DDAH1: variants seen among roughly 807,000 people sequenced by gnomAD.
The protein encoded by DDAH1 is N(G),N(G)-dimethylarginine dimethylaminohydrolase 1.
In DDAH1, 19 loss-of-function variants were observed where a neutral mutation model predicts 28.8. The observed-to-expected ratio is 0.66, with a 90% CI of 0.46 to 0.97. The LOEUF (loss-of-function observed/expected upper bound fraction) is 0.97. Among genes scored for constraint, DDAH1 ranks in the 50% least tolerant of loss-of-function variants. The pLI is 0.00. For synonymous variants in DDAH1, 153 were observed against 154.4 expected (o/e 0.99, Z 0.07); for missense variants, 326 against 375.9 (o/e 0.87, Z 1.10).
intron 1 of DDAH1, chr1:85,376,757 TTC>T (rs1189208761): frequency 1.3e-3 from 191 of 151,920 alleles, no homozygotes; most frequent in African/African-American, 4.3e-3. Context: ...TTTTTTTTTT[TTC>T]CTGCAGCTTC....
At chr1:85,364,568 A>G (rs1649963916) in intron 1 of DDAH1, among the ~76,000 whole-genome samples, 1 of 150,662 alleles carries the variant, frequency 6.6e-6, no homozygotes, top group African/African-American at 2.4e-5. Context: ...TTTTTTTGAG[A>G]CAGAGTTTCA....
At chr1:85,538,074 C>T (rs1256932849) in intron 1 of DDAH1, among the ~76,000 whole-genome samples, 2 of 152,084 alleles carry the variant, frequency 1.3e-5, no homozygotes, top group Admixed American at 6.5e-5. Context: ...ACAAGTTTCC[C>T]ACACTAGAAC....
At position 85,509,705 on chromosome 1, in the gene DDAH1, C is replaced by T. The variant is rs185965906; in HGVS notation, c.-122-13424G>A. ...TTTGTGACATATGCACAACCTTCAA[C>T]AGCCAATTCAATCAAGTGGAAGAAA... On this transcript the variant is annotated intron_variant, in intron 1 of 6. Coordinates refer to the DDAH1 transcript ENST00000426972. Among the ~76,000 whole-genome samples, 4 of 152,234 alleles carry T rather than the reference C, an allele frequency of 2.6e-5. No homozygotes were observed. In the East Asian group the frequency reaches 5.8e-4, roughly 22 times the overall value.
At chr1:85,497,876 C>T (rs1557693688) in intron 1 of DDAH1, among the ~76,000 whole-genome samples, 1 of 152,052 alleles carries the variant, frequency 6.6e-6, no homozygotes, top group East Asian at 1.9e-4. Flanking sequence ...TTCTTTCTTC[C>T]CCCTGAGATT....
At chr1:85,353,806 T>C (rs1392713055) in intron 2 of DDAH1, among the ~76,000 whole-genome samples, 1 of 152,226 alleles carries the variant, frequency 6.6e-6, no homozygotes, top group South Asian at 2.1e-4. Flanking sequence ...TCACATTTCA[T>C]GTGGAATTCT....
chr1:85,538,197 T>A (rs2100781999), intron 1 of DDAH1, among the ~76,000 whole-genome samples: 1 of 152,314 alleles, frequency 6.6e-6, no homozygotes, highest in East Asian at 1.9e-4. Context: ...TCAACATAAG[T>A]TATGCAGGAA....
At chr1:85,577,285 C>G (rs1201419223) in intron 1 of DDAH1, among the ~76,000 whole-genome samples, 2 of 152,210 alleles carry the variant, frequency 1.3e-5, no homozygotes, top group Non-Finnish European at 2.9e-5. Flanking sequence ...CACCAGGATC[C>G]TGGCTTCCTG....
intron 1 of DDAH1, among the ~76,000 whole-genome samples, chr1:85,388,624 T>C (rs906155560): frequency 6.6e-6 from 1 of 152,168 alleles, no homozygotes; most frequent in African/African-American, 2.4e-5. Flanking sequence ...ACATGTTACA[T>C]GAAAAAATCA....
intron 1 of DDAH1, among the ~76,000 whole-genome samples, chr1:85,551,185 G>T (rs1267443548): frequency 6.6e-6 from 1 of 152,192 alleles, no homozygotes; most frequent in Non-Finnish European, 1.5e-5. Flanking sequence ...CAATCCAGGG[G>T]ACTACATGGG....
intron 1 of DDAH1, among the ~76,000 whole-genome samples, chr1:85,419,331 G>A (rs1653025668): frequency 6.6e-6 from 1 of 151,918 alleles, no homozygotes; most frequent in Admixed American, 6.6e-5. Context: ...CTGAGGTCAG[G>A]AGTTCGAGAC....
chr1:85,434,182 ATATTT>A (rs1472246453), intron 1 of DDAH1, among the ~76,000 whole-genome samples: 2 of 152,108 alleles, frequency 1.3e-5, no homozygotes, highest in African/African-American at 4.8e-5. Context: ...TATAGTTATT[ATATTT>A]TAGTTATTAC....
At chr1:85,570,512 C>T (rs1187166596) in intron 1 of DDAH1, among the ~76,000 whole-genome samples, 1 of 152,148 alleles carries the variant, frequency 6.6e-6, no homozygotes, top group African/African-American at 2.4e-5. Flanking sequence ...CGTGGCAACT[C>T]CCAACCATTT....
In DDAH1 at chr1:85,459,869, T is replaced by C. The variant is rs17127750; in HGVS notation, c.303+4874A>G. On this transcript the variant is annotated intron_variant, in intron 1 of 5. Coordinates refer to ENST00000284031, the MANE Select transcript of DDAH1 (RefSeq NM_012137.4). ...GAGAAGGGAAGTAAAATAATTCACT[T>C]AGTGTTCGAGTTAGATTGCATATCA... Among the ~76,000 whole-genome samples, 1,381 of 152,300 alleles carry C rather than the reference T, an allele frequency of 9.1e-3. 25 individuals are homozygous for C. The highest frequency in any genetic ancestry group is 0.031 in the African/African-American group (1,287 of 41,558).
intron 1 of DDAH1, among the ~76,000 whole-genome samples, chr1:85,554,257 T>TA (rs1352688614): frequency 7.1e-6 from 1 of 141,734 alleles, no homozygotes; most frequent in Non-Finnish European, 1.5e-5. Context: ...GTAGTTTTCC[T>TA]AAAAAGGAAA....
chr1:85,389,507 G>A (rs1056897073), intron 1 of DDAH1, among the ~76,000 whole-genome samples: 1 of 152,144 alleles, frequency 6.6e-6, no homozygotes, highest in African/African-American at 2.4e-5. Context: ...TTGAGTGGCT[G>A]ATGCTGTCTC....
intron 1 of DDAH1, among the ~76,000 whole-genome samples, chr1:85,405,569 T>A (rs1169802801): frequency 2.0e-5 from 3 of 151,964 alleles, no homozygotes; most frequent in African/African-American, 7.3e-5. Context: ...CAAGGCATGG[T>A]CCATTCCCTG....
At chr1:85,493,139 C>T (rs930263276) in intron 2 of DDAH1, among the ~76,000 whole-genome samples, 2 of 151,534 alleles carry the variant, frequency 1.3e-5, no homozygotes, top group African/African-American at 4.8e-5. Context: ...TTATCTTTTT[C>T]TTCTGATTTT....
rs552587959 is a variant in DDAH1, at chr1:85,383,229, G to A, written c.304-24382C>T. ...GAACATTTGTGATTCATGGGAGGAG[G>A]TCAAAGTATCTACATTAACAGAAGT... On this transcript the variant is annotated intron_variant, in intron 1 of 5. Coordinates refer to ENST00000284031, the MANE Select transcript of DDAH1 (RefSeq NM_012137.4). 5.3e-5 allele frequency among the ~76,000 whole-genome samples: 8 copies of A among 152,334 alleles called. No homozygotes were observed. In the South Asian group the frequency reaches 1.7e-3, roughly 32 times the overall value.
chr1:85,506,623 C>A (rs563388194), intron 1 of DDAH1, among the ~76,000 whole-genome samples: 2 of 152,248 alleles, frequency 1.3e-5, no homozygotes, highest in South Asian at 4.1e-4. Context: ...AGTTTGTGAC[C>A]TAGGTAGAGC....
Sources: allele counts gnomAD v4.1 joint callset (sites outside exome capture counted in the v4.1 genomes callset), GRCh38; gene constraint gnomAD v4.1.1; transcripts MANE v1.5; gene names NCBI Gene and HGNC (gene_info 2026-07-23, HGNC 2026-07-21).